Variants in ARHGAP6 observed in about 807,000 individuals in gnomAD.
The protein encoded by ARHGAP6 is Rho GTPase activating protein 6, also known as rho GTPase-activating protein 6.
In ARHGAP6, 16 loss-of-function variants were observed where a neutral mutation model predicts 55.7. The ratio of observed to expected loss-of-function variants is 0.29; its 90% CI spans 0.19 to 0.44. ARHGAP6 has a LOEUF of 0.44. Ranked by LOEUF, ARHGAP6 falls within the 20% of genes least tolerant of loss-of-function variation. The probability of loss-of-function intolerance (pLI) is 1.00; values close to 1 mark genes in which losing one functional copy is unlikely to be tolerated. For synonymous variants in ARHGAP6, 382 were observed against 360.9 expected (o/e 1.06, Z -0.66); for missense variants, 698 against 808.9 (o/e 0.86, Z 1.66).
chrX:11,423,715 C>A (rs750965443), intron 1 of ARHGAP6, among the ~76,000 whole-genome samples: 2 of 112,667 alleles, frequency 1.8e-5, no homozygotes, highest in Non-Finnish European at 3.8e-5. Context: ...ACAGCAGGGA[C>A]AAGACACACA....
intron 1 of ARHGAP6, among the ~76,000 whole-genome samples, chrX:11,273,241 C>A: frequency 9.1e-6 from 1 of 110,279 alleles, no homozygotes; most frequent in Non-Finnish European, 1.9e-5. Context: ...ATATGAAGAC[C>A]ATTTTGAAAA....
chrX:11,523,360 A>G (rs1411931282), intron 1 of ARHGAP6, among the ~76,000 whole-genome samples: 1 of 111,015 alleles, frequency 9.0e-6, no homozygotes, highest in African/African-American at 3.3e-5. Context: ...CTCCTATTCA[A>G]CATAGTGTTG....
At chrX:11,647,512 A>C (rs2052542697) in intron 1 of ARHGAP6, among the ~76,000 whole-genome samples, 1 of 112,276 alleles carries the variant, frequency 8.9e-6, no homozygotes, top group African/African-American at 3.2e-5. Context: ...AAAAAAGGGC[A>C]GGCGAATCCA....
At chrX:11,547,829 T>G (rs1291141778) in intron 1 of ARHGAP6, among the ~76,000 whole-genome samples, 1 of 112,166 alleles carries the variant, frequency 8.9e-6, no homozygotes, top group East Asian at 2.8e-4. Context: ...GCAGTCCTCT[T>G]TAAATACCCC....
At chrX:11,287,221 G>A (rs2047931797) in intron 1 of ARHGAP6, among the ~76,000 whole-genome samples, 1 of 112,025 alleles carries the variant, frequency 8.9e-6, no homozygotes, top group African/African-American at 3.2e-5. Context: ...GTTTTTGAAT[G>A]CAACCCTATA....
At chrX:11,161,659 A>C (rs1335527135) in intron 9 of ARHGAP6, among the ~76,000 whole-genome samples, 1 of 112,476 alleles carries the variant, frequency 8.9e-6, no homozygotes, top group Non-Finnish European at 1.9e-5. Context: ...TATTAGAAAT[A>C]GATGAAATAA....
At chrX:11,406,581 A>G (rs1054239855) in intron 1 of ARHGAP6, among the ~76,000 whole-genome samples, 7 of 111,216 alleles carry the variant, frequency 6.3e-5, no homozygotes, top group Admixed American at 4.8e-4. Context: ...ACATTCACCC[A>G]CAAATGTCCA....
chrX:11,462,559 A>G (rs749959335), intron 1 of ARHGAP6, among the ~76,000 whole-genome samples: 12 of 112,462 alleles, frequency 1.1e-4, no homozygotes, highest in Non-Finnish European at 1.9e-4. Context: ...TAATGACTCA[A>G]TCAAGAAAGA....
chrX:11,306,046 C>T (rs1033213991), intron 1 of ARHGAP6, among the ~76,000 whole-genome samples: 10 of 111,412 alleles, frequency 9.0e-5, no homozygotes, highest in Non-Finnish European at 1.7e-4. Context: ...CCCAAACATC[C>T]GGGAGCAGCC....
At chrX:11,221,958 AAT>A (rs771882330) in intron 2 of ARHGAP6, among the ~76,000 whole-genome samples, 19 of 111,199 alleles carry the variant, frequency 1.7e-4, no homozygotes, top group Non-Finnish European at 3.2e-4. Context: ...CAGAATTTTT[AAT>A]ATGAGTTTTT....
chrX:11,663,253 T>A (rs2052720135), intron 1 of ARHGAP6, among the ~76,000 whole-genome samples: 1 of 112,179 alleles, frequency 8.9e-6, no homozygotes, highest in Non-Finnish European at 1.9e-5. Context: ...GGTTGTGTAT[T>A]TAGCCTAAAT....
chrX:11,629,204 T>C (rs909395646), intron 1 of ARHGAP6, among the ~76,000 whole-genome samples: 3 of 112,050 alleles, frequency 2.7e-5, no homozygotes, highest in East Asian at 5.6e-4. Context: ...AGCATACAAT[T>C]ACCTCACAGT....
At chrX:11,571,329 G>A (rs764962401) in intron 1 of ARHGAP6, among the ~76,000 whole-genome samples, 1 of 111,155 alleles carries the variant, frequency 9.0e-6, no homozygotes, top group African/African-American at 3.3e-5. Context: ...ATAGGCTGGG[G>A]TTTAAATCCT....
chrX:11,178,633 G>C (rs2147329993), intron 7 of ARHGAP6, among the ~76,000 whole-genome samples: 1 of 111,854 alleles, frequency 8.9e-6, no homozygotes, highest in East Asian at 2.8e-4. Flanking sequence ...TCTGAAATTT[G>C]AGTTTATAAT....
chrX:11,140,852 C>T (rs1287785390), intron 12 of ARHGAP6, among the ~76,000 whole-genome samples: 1 of 112,065 alleles, frequency 8.9e-6, no homozygotes, highest in African/African-American at 3.2e-5. Flanking sequence ...GCATGTGTAC[C>T]CAGACTACCA....
chrX:11,142,390 T>G, intron 11 of ARHGAP6, 77 bp from the exon 12 acceptor site: 5 of 674,439 alleles, frequency 7.4e-6, no homozygotes, highest in Non-Finnish European at 6.7e-6. Context: ...ATAACATCTC[T>G]TCTGTGCAAA....
chrX:11,626,450 T>A (rs1190459414), intron 1 of ARHGAP6, among the ~76,000 whole-genome samples: 2 of 111,820 alleles, frequency 1.8e-5, no homozygotes, highest in Non-Finnish European at 3.8e-5. Flanking sequence ...ACTAATTTGA[T>A]AAGGACTGTA....
intron 1 of ARHGAP6, among the ~76,000 whole-genome samples, chrX:11,395,834 T>C (rs2049470240): frequency 8.9e-6 from 1 of 112,287 alleles, no homozygotes; most frequent in South Asian, 3.7e-4. Flanking sequence ...CCTTGTCACT[T>C]TCCTTCCAAA....
At chrX:11,494,738 G>C (rs767901126) in intron 1 of ARHGAP6, among the ~76,000 whole-genome samples, 1 of 111,842 alleles carries the variant, frequency 8.9e-6, no homozygotes, top group Admixed American at 9.4e-5. Flanking sequence ...CACAGGTCCT[G>C]CTCTGATTAC....
Sources: gnomAD v4.1 joint callset for allele counts (sites outside exome capture counted in the v4.1 genomes callset) on GRCh38, gnomAD v4.1.1 for gene constraint, MANE v1.5 for transcripts, NCBI Gene and HGNC (gene_info 2026-07-23, HGNC 2026-07-21) for gene names.